Variants in RSU1 observed in about 807,000 individuals in gnomAD.
RSU1 encodes rsu-1.
Under a neutral mutation model 31.1 loss-of-function variants are expected in RSU1, and 26 were observed. The observed-to-expected ratio is 0.84, with a 90% CI of 0.61 to 1.16. RSU1 has a LOEUF of 1.16. Ranked by LOEUF, RSU1 falls within the 50% of genes most tolerant of loss-of-function variation. The probability of loss-of-function intolerance (pLI) is 0.00; values close to 1 mark genes in which losing one functional copy is unlikely to be tolerated. For synonymous variants in RSU1, 164 were observed against 136.3 expected, an observed-to-expected ratio of 1.20 and a Z score of -1.41; for missense variants, 320 against 339.1, an observed-to-expected ratio of 0.94 and a Z score of 0.44.
At chr10:16,773,120 A>G (rs752688728) in intron 3 of RSU1, among the ~76,000 whole-genome samples, 1 of 151,830 alleles carries the variant, frequency 6.6e-6, no homozygotes, top group Non-Finnish European at 1.5e-5. Context: ...AGATCACTTG[A>G]GCCTGGAGGT....
intron 8 of RSU1, among the ~76,000 whole-genome samples, chr10:16,605,104 T>A (rs1232704538): frequency 6.6e-6 from 1 of 152,154 alleles, no homozygotes; most frequent in Non-Finnish European, 1.5e-5. Context: ...TGATGTTTAG[T>A]GTAAAATCAT....
rs1838088808 is a variant in RSU1 at position 16,798,662 on chromosome 10, CCG to C, written c.110-16580_110-16579del. Reference sequence around the variant, plus strand: ...TCCTTCATAAATTACCCATCTTGAGCCGTTCTTTGTAGCAGTATGAAAACAGA... The same window carrying C: ...TCCTTCATAAATTACCCATCTTGAGCTTCTTTGTAGCAGTATGAAAACAGA... On this transcript the variant is annotated intron_variant, in intron 2 of 8. Transcript: ENST00000345264. Among the ~76,000 whole-genome samples, 5 of 152,290 alleles carry C rather than the reference CCG, an allele frequency of 3.3e-5. No individual in the cohort carries two copies. In the South Asian group the frequency reaches 1.0e-3, roughly 32 times the overall value.
chr10:16,722,863 TATATGTATATATACACAC>T (rs1836298746), intron 7 of RSU1, among the ~76,000 whole-genome samples: 2 of 143,176 alleles, frequency 1.4e-5, no homozygotes, highest in Middle Eastern at 3.7e-3. Context: ...CATATATACA[TATATGTATATATACACAC>T]ATATACATAT....
intron 7 of RSU1, among the ~76,000 whole-genome samples, chr10:16,746,383 C>G (rs560641983): frequency 2.6e-5 from 4 of 152,064 alleles, no homozygotes; most frequent in Non-Finnish European, 5.9e-5. Context: ...GCCGAGCAGA[C>G]CAATGTGATT....
intron 8 of RSU1, among the ~76,000 whole-genome samples, chr10:16,672,378 AAAC>A (rs1268443298): frequency 6.6e-6 from 1 of 152,172 alleles, no homozygotes; most frequent in Non-Finnish European, 1.5e-5. Context: ...TACCCAAGAG[AAAC>A]AATAGCACAT....
chr10:16,780,965 CAT>C (rs1467174003), intron 3 of RSU1, among the ~76,000 whole-genome samples: 1 of 152,210 alleles, frequency 6.6e-6, no homozygotes, highest in Non-Finnish European at 1.5e-5. Context: ...GTTTCTTGCA[CAT>C]GAGGGGACCC....
intron 8 of RSU1, among the ~76,000 whole-genome samples, chr10:16,653,954 C>A (rs988958830): frequency 6.6e-6 from 1 of 152,050 alleles, no homozygotes. Context: ...TTTCTCCATA[C>A]ACCCCCAAGT....
At chr10:16,768,696 C>T (rs1336531467) in intron 3 of RSU1, among the ~76,000 whole-genome samples, 7 of 152,208 alleles carry the variant, frequency 4.6e-5, no homozygotes, top group Non-Finnish European at 1.0e-4. Context: ...CCGGCATGAC[C>T]TTCTTTCCTT....
intron 4 of RSU1, among the ~76,000 whole-genome samples, chr10:16,759,970 C>T (rs1403125586): frequency 2.6e-5 from 4 of 152,152 alleles, no homozygotes; most frequent in Non-Finnish European, 5.9e-5. Flanking sequence ...GGAGTCCTCC[C>T]TATAACTTGC....
chr10:16,814,076 AGTTTAAGCTGT>A (rs1489989925), intron 2 of RSU1, among the ~76,000 whole-genome samples: 1 of 152,224 alleles, frequency 6.6e-6, no homozygotes, highest in Non-Finnish European at 1.5e-5. Flanking sequence ...TGTACATACA[AGTTTAAGCTGT>A]GTTTAAGCTG....
chr10:16,701,615 T>TACAC lies in RSU1; in HGVS notation c.599-6464_599-6461dup, dbSNP rs45628736. Reference sequence around the variant, plus strand: ...TCTAGTCGGGGAAGATAGTACAACTTACACACACACACACACACAAAAAGA... The same window carrying TACAC: ...TCTAGTCGGGGAAGATAGTACAACTTACACACACACACACACACACACAAAAAGA... On this transcript the variant is annotated intron_variant, in intron 7 of 8. Coordinates refer to ENST00000345264, the MANE Select transcript of RSU1 (RefSeq NM_012425.4). 5.7e-3 allele frequency among the ~76,000 whole-genome samples: 857 copies of TACAC among 151,012 alleles called. 7 individuals are homozygous for TACAC. The highest frequency in any genetic ancestry group is 0.017 in the South Asian group (83 of 4,774).
chr10:16,687,012 G>C (rs952449734), intron 8 of RSU1, among the ~76,000 whole-genome samples: 1 of 152,198 alleles, frequency 6.6e-6, no homozygotes, highest in Non-Finnish European at 1.5e-5. Flanking sequence ...GTCCCAGTCA[G>C]AGCTCCCAGG....
intron 3 of RSU1, among the ~76,000 whole-genome samples, chr10:16,770,100 A>T (rs1239514974): frequency 3.9e-5 from 6 of 152,144 alleles, no homozygotes; most frequent in African/African-American, 1.4e-4. Flanking sequence ...TAATGGCAGG[A>T]TGCTGGGTGG....
chr10:16,754,266 G>A (rs1837036887), intron 5 of RSU1, among the ~76,000 whole-genome samples: 1 of 152,144 alleles, frequency 6.6e-6, no homozygotes, highest in Non-Finnish European at 1.5e-5. Flanking sequence ...TGAGTTCCCA[G>A]AAGAAATCAT....
chr10:16,805,562 G>C (rs1346046808), intron 2 of RSU1, among the ~76,000 whole-genome samples: 1 of 150,070 alleles, frequency 6.7e-6, no homozygotes, highest in Non-Finnish European at 1.5e-5. Flanking sequence ...TGTAATCCCA[G>C]TTACTCGGGA....
At chr10:16,764,242 A>C in intron 4 of RSU1, 148 bp downstream of exon 4, 1 of 882,198 alleles carries the variant, frequency 1.1e-6, no homozygotes, top group Non-Finnish European at 1.6e-6. Flanking sequence ...ATATTAAAAC[A>C]ATAAAATTTT....
At chr10:16,728,072 T>G (rs1048700552) in intron 7 of RSU1, among the ~76,000 whole-genome samples, 26 of 152,222 alleles carry the variant, frequency 1.7e-4, no homozygotes, top group African/African-American at 5.8e-4. Flanking sequence ...TAAGGCAGAT[T>G]CCAACCCTCT....
intron 8 of RSU1, among the ~76,000 whole-genome samples, chr10:16,648,951 A>G (rs964943932): frequency 1.3e-4 from 20 of 152,112 alleles, no homozygotes; most frequent in Non-Finnish European, 2.5e-4. Context: ...ATAAAGAAAG[A>G]CTTCTGTGGT....
At chr10:16,694,275 A>C (rs1835629338) in intron 8 of RSU1, among the ~76,000 whole-genome samples, 3 of 152,186 alleles carry the variant, frequency 2.0e-5, no homozygotes, top group Admixed American at 2.0e-4. Context: ...CTTTTCTCTA[A>C]GAGATTATCA....
Sources: gnomAD v4.1 joint callset for allele counts (sites outside exome capture counted in the v4.1 genomes callset) on GRCh38, gnomAD v4.1.1 for gene constraint, MANE v1.5 for transcripts, NCBI Gene and HGNC (gene_info 2026-07-23, HGNC 2026-07-21) for gene names.